The following ERBB4 variants were observed in gnomAD, a reference collection of about 807,000 sequenced individuals.
ERBB4 encodes the protein erb-b2 receptor tyrosine kinase 4, also known as receptor tyrosine-protein kinase erbB-4.
ERBB4 carries 42 observed loss-of-function variants against 158.0 expected under a neutral mutation model. The ratio of observed to expected loss-of-function variants is 0.27; its 90% CI spans 0.21 to 0.34. ERBB4 has a LOEUF of 0.34. Among genes scored for constraint, ERBB4 ranks in the 10% least tolerant of loss-of-function variants. ERBB4 has a pLI of 1.00. For synonymous variants in ERBB4, 583 were observed against 558.7 expected, an observed-to-expected ratio of 1.04 and a Z score of -0.61; for missense variants, 1,333 against 1,624.1, an observed-to-expected ratio of 0.82 and a Z score of 3.08.
rs1303924360 is a variant in ERBB4, at chr2:211,603,440, T to C, written c.2301+15737A>G. Among the ~76,000 whole-genome samples the C allele has an allele frequency of 3.3e-5, 5 of 151,818 alleles. No individual in the cohort carries two copies. In the East Asian group the frequency reaches 9.7e-4, roughly 29 times the overall value. On this transcript the variant is annotated intron_variant, in intron 19 of 27. Coordinates refer to ENST00000342788, the MANE Select transcript of ERBB4 (RefSeq NM_005235.3). The stretch of plus-strand genomic sequence containing the variant: ...TTACCAACAGTGAACAACACCTACA[T>C]AGCAATCATACTGAAAAAAAATCAT...
intron 1 of ERBB4, among the ~76,000 whole-genome samples, chr2:212,209,288 T>C (rs971114942): frequency 6.6e-6 from 1 of 152,196 alleles, no homozygotes; most frequent in Non-Finnish European, 1.5e-5. Context: ...CATTTTAAAA[T>C]GCATATTACT....
At chr2:211,679,282 A>C (rs527575564) in intron 12 of ERBB4, 98 bp from the exon 13 acceptor site, 2 of 1,387,180 alleles carry the variant, frequency 1.4e-6, no homozygotes, top group South Asian at 2.4e-5. Flanking sequence ...TTCACTTAAA[A>C]GAGATATATG....
intron 1 of ERBB4, among the ~76,000 whole-genome samples, chr2:212,393,597 G>T (rs967713617): frequency 6.6e-6 from 1 of 151,924 alleles, no homozygotes; most frequent in African/African-American, 2.4e-5. Context: ...GGATGTTCTT[G>T]TCTCTATGAT....
chr2:211,739,111 A>G (rs937692736), intron 5 of ERBB4, among the ~76,000 whole-genome samples: 33 of 152,188 alleles, frequency 2.2e-4, no homozygotes, highest in African/African-American at 5.5e-4. Flanking sequence ...CTATCTAAAT[A>G]TAGACTATAT....
intron 2 of ERBB4, among the ~76,000 whole-genome samples, chr2:212,047,038 G>T (rs1239253447): frequency 1.3e-5 from 2 of 151,964 alleles, no homozygotes; most frequent in African/African-American, 4.8e-5. Flanking sequence ...ATATTTTTGG[G>T]TTCTCTATTT....
chr2:211,946,008 TCTC>T (rs1265844750), intron 3 of ERBB4, among the ~76,000 whole-genome samples: 1 of 152,056 alleles, frequency 6.6e-6, no homozygotes, highest in Admixed American at 6.6e-5. Flanking sequence ...GTTCAATTGT[TCTC>T]TACACATTTC....
intron 3 of ERBB4, among the ~76,000 whole-genome samples, chr2:211,904,844 A>AG (rs1353988592): frequency 2.0e-5 from 3 of 152,064 alleles, no homozygotes; most frequent in Non-Finnish European, 4.4e-5. Context: ...GTACTATTTT[A>AG]GGTTAGACAG....
At chr2:212,439,498 T>C (rs1037952421) in intron 1 of ERBB4, among the ~76,000 whole-genome samples, 2 of 150,162 alleles carry the variant, frequency 1.3e-5, no homozygotes, top group African/African-American at 4.9e-5. Context: ...TTTCTCCCCA[T>C]GAAAAAAAAA....
chr2:211,838,627 T>A (rs35602168), intron 3 of ERBB4, among the ~76,000 whole-genome samples: 5,201 of 152,230 alleles, frequency 0.034, 131 homozygotes, highest in Non-Finnish European at 0.047. Flanking sequence ...CTTATGTGGG[T>A]ATGTCCAAAA....
At chr2:211,831,221 A>C (rs1283720525) in intron 3 of ERBB4, among the ~76,000 whole-genome samples, 1 of 152,138 alleles carries the variant, frequency 6.6e-6, no homozygotes, top group Admixed American at 6.5e-5. Flanking sequence ...GTTTTTCAAA[A>C]TTTCAGAGTT....
intron 20 of ERBB4, among the ~76,000 whole-genome samples, chr2:211,435,258 C>G (rs11903042): frequency 0.012 from 1,768 of 152,282 alleles, 35 homozygotes; most frequent in African/African-American, 0.04. Context: ...GTTCCCGTAT[C>G]CACGTCAGGC....
At chr2:212,237,264 C>T (rs7581138) in intron 1 of ERBB4, among the ~76,000 whole-genome samples, 59,423 of 151,974 alleles carry the variant, frequency 0.39, 13,532 homozygotes, top group East Asian at 0.76. Flanking sequence ...GGTTTTTGTG[C>T]GGACATCCTT....
At chr2:211,801,851 A>G (rs938064337) in intron 3 of ERBB4, among the ~76,000 whole-genome samples, 3 of 152,180 alleles carry the variant, frequency 2.0e-5, no homozygotes, top group African/African-American at 7.2e-5. Flanking sequence ...ATATAGTTAT[A>G]TCATATTTGA....
At chr2:212,201,535 CTAAT>C (rs1440736135) in intron 1 of ERBB4, among the ~76,000 whole-genome samples, 4 of 152,010 alleles carry the variant, frequency 2.6e-5, no homozygotes, top group Non-Finnish European at 4.4e-5. Context: ...ATGTAAGACT[CTAAT>C]TATTTTCTCT....
At chr2:211,694,602 C>G (rs1471737750) in intron 12 of ERBB4, among the ~76,000 whole-genome samples, 1 of 150,236 alleles carries the variant, frequency 6.7e-6, no homozygotes, top group Non-Finnish European at 1.5e-5. Flanking sequence ...ATGTATTACT[C>G]TAGTAATTTT....
At chr2:211,622,121 A>T (rs781448591) in intron 18 of ERBB4, among the ~76,000 whole-genome samples, 9 of 152,222 alleles carry the variant, frequency 5.9e-5, no homozygotes, top group African/African-American at 2.2e-4. Context: ...AGGACTCTAC[A>T]TTTATTATCC....
intron 4 of ERBB4, chr2:211,779,434 C>T (rs1456524807): frequency 2.6e-5 from 4 of 152,182 alleles, no homozygotes; most frequent in African/African-American, 7.2e-5. Context: ...TATTTTCAGG[C>T]TATACACTTA....
At chr2:211,930,994 G>T (rs2080159597) in intron 3 of ERBB4, among the ~76,000 whole-genome samples, 1 of 152,090 alleles carries the variant, frequency 6.6e-6, no homozygotes, top group Non-Finnish European at 1.5e-5. Context: ...ACTCAGCAGG[G>T]ACATTTGAAT....
At chr2:212,133,159 C>T (rs1331030575) in intron 1 of ERBB4, among the ~76,000 whole-genome samples, 3 of 152,066 alleles carry the variant, frequency 2.0e-5, no homozygotes, top group Admixed American at 6.6e-5. Flanking sequence ...ATTCTCCACA[C>T]AGAGGCCAGA....
Sources: allele counts gnomAD v4.1 joint callset (sites outside exome capture counted in the v4.1 genomes callset), GRCh38; gene constraint gnomAD v4.1.1; transcripts MANE v1.5; gene names NCBI Gene and HGNC (gene_info 2026-07-23, HGNC 2026-07-21).